The following STAG1 variants were observed in gnomAD, a reference collection of about 807,000 sequenced individuals.
The protein encoded by STAG1 is STAG1 cohesin complex component, also known as cohesin subunit SA-1.
Under a neutral mutation model 170.9 loss-of-function variants are expected in STAG1, and 26 were observed. The ratio of observed to expected loss-of-function variants is 0.15; its 90% CI spans 0.11 to 0.21. STAG1 has a LOEUF of 0.21. Ranked by LOEUF, STAG1 falls within the 10% of genes least tolerant of loss-of-function variation. STAG1 has a pLI of 1.00. For missense variants in STAG1, 964 were observed against 1,509.5 expected, an observed-to-expected ratio of 0.64 and a Z score of 5.99; for synonymous variants, 514 against 497.7, an observed-to-expected ratio of 1.03 and a Z score of -0.44.
At chr3:136,368,727 C>A (rs1340793167) in intron 24 of STAG1, among the ~76,000 whole-genome samples, 1 of 152,094 alleles carries the variant, frequency 6.6e-6, no homozygotes, top group Non-Finnish European at 1.5e-5. Flanking sequence ...AAAGACAGAG[C>A]TCTCTATATA....
chr3:136,385,456 T>C (rs2086846177), intron 22 of STAG1, among the ~76,000 whole-genome samples: 1 of 152,150 alleles, frequency 6.6e-6, no homozygotes, highest in South Asian at 2.1e-4. Context: ...AAACCAACTT[T>C]TTCCTAGAGT....
chr3:136,642,901 A>C (rs1940856731), intron 1 of STAG1, among the ~76,000 whole-genome samples: 1 of 152,060 alleles, frequency 6.6e-6, no homozygotes, highest in Non-Finnish European at 1.5e-5. Flanking sequence ...TGGAGCATTA[A>C]ATCTAATCTC....
rs559376605 is a variant in STAG1, at chr3:136,535,483, C to A, written c.471+6636G>T. Among the ~76,000 whole-genome samples the A allele has an allele frequency of 1.1e-4, 16 of 152,160 alleles. No homozygotes were observed. The South Asian group carries it at 3.3e-3, about 32-fold the overall frequency. On this transcript the variant is annotated intron_variant, in intron 6 of 33. Coordinates refer to ENST00000383202, the MANE Select transcript of STAG1 (RefSeq NM_005862.3). The stretch of plus-strand genomic sequence containing the variant: ...TTCAAGACCAGCCTGGCCAACATGG[C>A]GAAACTTTGTCTCTACTAAAAATAC...
At position 136,452,163 on chromosome 3, in the gene STAG1, A is replaced by G; in HGVS notation, c.1314-16T>C. ...GCTAAATAGCCTGGAAATGAAAAAC[A>G]GGGCATTGCAAAGTTACATGAATAT... On this transcript the variant is annotated splice_polypyrimidine_tract_variant and intron_variant, in intron 13 of 33. Transcript: ENST00000383202. 2 of 1,535,958 alleles carry G rather than the reference A, an allele frequency of 1.3e-6. No individual in the cohort carries two copies. The highest frequency in any genetic ancestry group is 1.8e-6 in the Non-Finnish European group (2 of 1,112,522).
At chr3:136,603,567 A>G (rs1171812901) in intron 4 of STAG1, among the ~76,000 whole-genome samples, 8 of 152,172 alleles carry the variant, frequency 5.3e-5, no homozygotes, top group Non-Finnish European at 1.2e-4. Context: ...GTATTTATGG[A>G]CTAAATGAGA....
At chr3:136,552,775 T>C (rs1312027471) in intron 5 of STAG1, among the ~76,000 whole-genome samples, 1 of 152,200 alleles carries the variant, frequency 6.6e-6, no homozygotes, top group African/African-American at 2.4e-5. Flanking sequence ...AATCAAAAAC[T>C]GGTGTTCTAA....
intron 12 of STAG1, among the ~76,000 whole-genome samples, chr3:136,465,888 A>G (rs554052926): frequency 3.7e-4 from 56 of 152,288 alleles, no homozygotes; most frequent in African/African-American, 1.2e-3. Flanking sequence ...TATTTTTAAA[A>G]AGAAATCCAG....
intron 1 of STAG1, among the ~76,000 whole-genome samples, chr3:136,727,875 T>C (rs1933776014): frequency 6.6e-6 from 1 of 152,062 alleles, no homozygotes; most frequent in Admixed American, 6.6e-5. Flanking sequence ...ATACCCACCA[T>C]GGCCGGGAGC....
At chr3:136,382,181 G>T (rs1189715711) in intron 22 of STAG1, among the ~76,000 whole-genome samples, 1 of 152,132 alleles carries the variant, frequency 6.6e-6, no homozygotes, top group Non-Finnish European at 1.5e-5. Flanking sequence ...TGATTAGTAT[G>T]TAAGAAAGTC....
intron 16 of STAG1, among the ~76,000 whole-genome samples, chr3:136,427,924 A>G (rs976687339): frequency 2.0e-5 from 3 of 152,228 alleles, no homozygotes; most frequent in African/African-American, 7.2e-5. Context: ...AATTTTAGAA[A>G]GAGGTTTCAC....
intron 7 of STAG1, among the ~76,000 whole-genome samples, chr3:136,510,609 CTTTG>C (rs1198148570): frequency 1.4e-5 from 2 of 147,606 alleles, no homozygotes; most frequent in African/African-American, 2.5e-5. Flanking sequence ...GATGGGATGT[CTTTG>C]TTTTTTTTTT....
intron 22 of STAG1, among the ~76,000 whole-genome samples, chr3:136,378,086 C>T (rs904626083): frequency 6.6e-6 from 1 of 152,150 alleles, no homozygotes; most frequent in African/African-American, 2.4e-5. Flanking sequence ...TAAAGTGAGG[C>T]AGCAGAGCAG....
At chr3:136,748,003 C>T (rs1935033776) in intron 1 of STAG1, among the ~76,000 whole-genome samples, 2 of 151,714 alleles carry the variant, frequency 1.3e-5, no homozygotes, top group African/African-American at 4.8e-5. Context: ...TCTCGATCTC[C>T]TGACCTCGTG....
chr3:136,747,341 G>A (rs1559987702), intron 1 of STAG1, among the ~76,000 whole-genome samples: 3 of 151,266 alleles, frequency 2.0e-5, no homozygotes, highest in Admixed American at 1.3e-4. Flanking sequence ...ACTGTCTGAC[G>A]CAATGATTGT....
intron 5 of STAG1, among the ~76,000 whole-genome samples, chr3:136,551,249 GAGAGA>G (rs1936382620): frequency 1.4e-5 from 2 of 146,738 alleles, no homozygotes; most frequent in Admixed American, 1.4e-4. Context: ...GAGAGAGAGA[GAGAGA>G]GAGAGAGGGA....
At chr3:136,673,320 A>AACT (rs1942033829) in intron 1 of STAG1, among the ~76,000 whole-genome samples, 1 of 152,192 alleles carries the variant, frequency 6.6e-6, no homozygotes, top group Non-Finnish European at 1.5e-5. Context: ...ATTCTTAGTT[A>AACT]TAGTTTGTAC....
chr3:136,423,631 G>A (rs546488796), intron 16 of STAG1, among the ~76,000 whole-genome samples: 2 of 152,242 alleles, frequency 1.3e-5, no homozygotes, highest in African/African-American at 4.8e-5. Context: ...TGAAACCACA[G>A]GTGATTCCAA....
intron 26 of STAG1, among the ~76,000 whole-genome samples, chr3:136,360,364 T>C (rs1439099270): frequency 2.0e-5 from 3 of 152,226 alleles, no homozygotes; most frequent in Admixed American, 6.5e-5. Context: ...ACTAGATGTA[T>C]ACATCTTAAA....
At chr3:136,430,599 A>T (rs1262149202) in intron 16 of STAG1, among the ~76,000 whole-genome samples, 1 of 148,830 alleles carries the variant, frequency 6.7e-6, no homozygotes, top group Non-Finnish European at 1.5e-5. Flanking sequence ...CATAAAATAC[A>T]CTACCACTAA....
Sources: allele counts gnomAD v4.1 joint callset (sites outside exome capture counted in the v4.1 genomes callset), GRCh38; gene constraint gnomAD v4.1.1; transcripts MANE v1.5; gene names NCBI Gene and HGNC (gene_info 2026-07-23, HGNC 2026-07-21).